Variants in PCDH9 observed in about 807,000 individuals in gnomAD.
PCDH9 encodes the protein protocadherin-9.
In PCDH9, 24 loss-of-function variants were observed where a neutral mutation model predicts 70.6. The observed-to-expected ratio is 0.34, with a 90% CI of 0.25 to 0.48. The LOEUF (loss-of-function observed/expected upper bound fraction) is 0.48, where lower values mean the gene tolerates loss of function less well. Among genes scored for constraint, PCDH9 ranks in the 20% least tolerant of loss-of-function variants. The pLI is 0.99. For synonymous variants in PCDH9, 562 were observed against 558.5 expected (o/e 1.01, Z -0.09); for missense variants, 1,281 against 1,503.6 (o/e 0.85, Z 2.45).
chr13:66,604,434 T>C (rs771530916), intron 4 of PCDH9, among the ~76,000 whole-genome samples: 14 of 152,134 alleles, frequency 9.2e-5, no homozygotes, highest in Non-Finnish European at 1.5e-4. Context: ...AAATAATTAC[T>C]TTTATTCAAA....
intron 4 of PCDH9, among the ~76,000 whole-genome samples, chr13:66,549,546 G>A (rs932301356): frequency 6.6e-6 from 1 of 151,654 alleles, no homozygotes; most frequent in South Asian, 2.1e-4. Context: ...TTTAAAAAAA[G>A]GTTTTTTTGG....
intron 4 of PCDH9, among the ~76,000 whole-genome samples, chr13:66,319,993 CA>C (rs1014920635): frequency 1.1e-4 from 16 of 152,056 alleles, no homozygotes; most frequent in African/African-American, 3.6e-4. Context: ...AGGTAATATG[CA>C]AGCCAATTAT....
intron 3 of PCDH9, among the ~76,000 whole-genome samples, chr13:66,781,180 T>C (rs1472782358): frequency 2.0e-5 from 3 of 152,176 alleles, no homozygotes; most frequent in South Asian, 2.1e-4. Context: ...CTTTAAATAT[T>C]ATATAATTTT....
chr13:66,712,360 C>T (rs2078806054), intron 3 of PCDH9, among the ~76,000 whole-genome samples: 1 of 151,992 alleles, frequency 6.6e-6, no homozygotes, highest in African/African-American at 2.4e-5. Flanking sequence ...TTATTTGCTA[C>T]TCAGCTTAAA....
chr13:66,937,685 C>T (rs772399946), intron 2 of PCDH9, among the ~76,000 whole-genome samples: 4 of 152,164 alleles, frequency 2.6e-5, no homozygotes, highest in Non-Finnish European at 5.9e-5. Context: ...TGAGTATTGA[C>T]CAATCCCAGT....
intron 2 of PCDH9, among the ~76,000 whole-genome samples, chr13:67,068,715 A>G (rs2085700721): frequency 6.6e-6 from 1 of 152,180 alleles, no homozygotes; most frequent in Admixed American, 6.6e-5. Flanking sequence ...CTTAAAGCAG[A>G]AAAAATAAAG....
At chr13:67,115,986 C>G (rs2086763389) in intron 2 of PCDH9, among the ~76,000 whole-genome samples, 1 of 152,152 alleles carries the variant, frequency 6.6e-6, no homozygotes, top group African/African-American at 2.4e-5. Context: ...AATCCAGATG[C>G]TGCCAGCTAT....
At chr13:66,394,103 C>T (rs1957064964) in intron 4 of PCDH9, among the ~76,000 whole-genome samples, 1 of 151,968 alleles carries the variant, frequency 6.6e-6, no homozygotes, top group African/African-American at 2.4e-5. Flanking sequence ...GGCAGGGGGT[C>T]CAGTTAGAAC....
chr13:66,763,701 G>A (rs1334741618), intron 3 of PCDH9, among the ~76,000 whole-genome samples: 2 of 152,078 alleles, frequency 1.3e-5, no homozygotes, highest in East Asian at 1.9e-4. Context: ...GTCAGCACAC[G>A]CAGTTTATAT....
intron 4 of PCDH9, among the ~76,000 whole-genome samples, chr13:66,518,536 T>C (rs995870190): frequency 6.6e-6 from 1 of 152,184 alleles, no homozygotes; most frequent in African/African-American, 2.4e-5. Flanking sequence ...TTGAATATTA[T>C]GAAAGCACAC....
At chr13:66,797,600 G>A (rs1203103617) in intron 3 of PCDH9, among the ~76,000 whole-genome samples, 1 of 152,074 alleles carries the variant, frequency 6.6e-6, no homozygotes, top group Non-Finnish European at 1.5e-5. Context: ...TGTATGCTAT[G>A]GCGAATAAAA....
intron 4 of PCDH9, among the ~76,000 whole-genome samples, chr13:66,494,318 C>A (rs1291504747): frequency 1.3e-5 from 2 of 152,062 alleles, no homozygotes; most frequent in African/African-American, 4.8e-5. Context: ...TAATCATTGA[C>A]AAGATACTGA....
intron 4 of PCDH9, among the ~76,000 whole-genome samples, chr13:66,409,486 C>T (rs1239852789): frequency 6.6e-6 from 1 of 152,100 alleles, no homozygotes; most frequent in Non-Finnish European, 1.5e-5. Context: ...ATTAGCCTCA[C>T]CATGAATGCT....
chr13:66,408,729 CT>C (rs970630146), intron 4 of PCDH9, among the ~76,000 whole-genome samples: 50 of 147,672 alleles, frequency 3.4e-4, no homozygotes, highest in African/African-American at 7.4e-4. Context: ...CTTCTTCTGC[CT>C]TTTTTTTTTC....
intron 3 of PCDH9, among the ~76,000 whole-genome samples, chr13:66,688,596 A>C (rs2078438219): frequency 6.6e-6 from 1 of 152,136 alleles, no homozygotes; most frequent in Admixed American, 6.6e-5. Flanking sequence ...AGTATGGGAG[A>C]GTTACCTTCC....
In PCDH9 at chr13:67,127,488, C is replaced by T. The variant is rs551742013; in HGVS notation, c.3036+97917G>A. Among the ~76,000 whole-genome samples, 20 of 152,118 alleles carry T rather than the reference C, an allele frequency of 1.3e-4. No individual in the cohort carries two copies. In the South Asian group the frequency reaches 4.2e-3, roughly 32 times the overall value. The stretch of plus-strand genomic sequence containing the variant: ...TGATGGAGCTTGGTAGTGATTCTTT[C>T]CCTGCTAACTGAGCACTCTGCAGGG... On this transcript the variant is annotated intron_variant, in intron 2 of 4. Transcript: ENST00000377865.
At chr13:66,414,029 C>A (rs2138330518) in intron 4 of PCDH9, among the ~76,000 whole-genome samples, 1 of 151,428 alleles carries the variant, frequency 6.6e-6, no homozygotes, top group African/African-American at 2.4e-5. Flanking sequence ...GCTTTTTTTT[C>A]ATTGAAATAC....
intron 2 of PCDH9, among the ~76,000 whole-genome samples, chr13:66,919,170 G>A (rs578013412): frequency 6.6e-6 from 1 of 151,232 alleles, no homozygotes; most frequent in Non-Finnish European, 1.5e-5. Context: ...ACAATTCTGT[G>A]CATTCAGTTG....
At chr13:66,638,742 T>C (rs2077672350) in intron 3 of PCDH9, among the ~76,000 whole-genome samples, 1 of 152,216 alleles carries the variant, frequency 6.6e-6, no homozygotes, top group Admixed American at 6.5e-5. Flanking sequence ...ACGTATGAAA[T>C]CTAAAGGGGA....
Sources: allele counts gnomAD v4.1 joint callset (sites outside exome capture counted in the v4.1 genomes callset), GRCh38; gene constraint gnomAD v4.1.1; transcripts MANE v1.5; gene names NCBI Gene and HGNC (gene_info 2026-07-23, HGNC 2026-07-21).